Variants in CTSB observed in about 807,000 individuals in gnomAD.
CTSB encodes APP secretase.
CTSB carries 57 observed loss-of-function variants against 44.3 expected under a neutral mutation model. The observed-to-expected ratio is 1.29, with a 90% CI of 1.04 to 1.60. The LOEUF is 1.60. CTSB is among the 40% of genes most tolerant of loss of function. The pLI is 0.00. For missense variants in CTSB, 768 were observed against 443.0 expected (o/e 1.73, Z -6.59); for synonymous variants, 320 against 168.0 (o/e 1.91, Z -7.00).
At chr8:11,847,988 A>T (rs1350654232) in intron 6 of CTSB, 79 bp downstream of exon 6, 1 of 1,386,916 alleles carries the variant, frequency 7.2e-7, no homozygotes, top group African/African-American at 1.4e-5. Flanking sequence ...CCCCCAGTTT[A>T]TAAAGGCAAA....
At position 11,845,060 on chromosome 8, in the gene CTSB, A is replaced by T. The variant is rs1173283239; in HGVS notation, c.*65T>A. 3.7e-6 allele frequency: 4 copies of T among 1,094,458 alleles called. No individual in the cohort carries two copies. Among genetic ancestry groups the T allele is most frequent in the African/African-American group, 1.5e-5 (1 of 64,640 alleles). The allele number at this position is 1,094,458 out of a possible 1,614,324, so 67.8% of individuals were successfully genotyped here. On this transcript the variant is annotated 3_prime_UTR_variant, in exon 10 of 10. Coordinates refer to ENST00000353047, the MANE Select transcript of CTSB (RefSeq NM_001908.5). ...TGAAACTTGTATCTTACGTGAACTT[A>T]AAGAATAAAATGCATTTCTACCCCG...
chr8:11,852,234 G>A (rs374790561), intron 3 of CTSB, among the ~76,000 whole-genome samples: 118 of 152,190 alleles, frequency 7.8e-4, no homozygotes, highest in African/African-American at 2.6e-3. Context: ...AGCCGTGCAC[G>A]GTGGTGCAAG....
At chr8:11,852,562 C>G in intron 3 of CTSB, 48 bp downstream of exon 3, 2 of 1,522,382 alleles carry the variant, frequency 1.3e-6, no homozygotes, top group African/African-American at 1.4e-5. Flanking sequence ...TGCCCCAAAC[C>G]AACGCCTGCC....
rs183744673 is a variant in CTSB at position 11,863,477 on chromosome 8, C to A, written c.-26+4524G>T. On this transcript the variant is annotated intron_variant, in intron 1 of 9. Transcript: ENST00000353047. ...CGTTTCAAAAAAAAAACAAAAAAACCCAGCAAATATGCCATCACTGACCAA... is the reference window on the plus strand; with the variant it reads ...CGTTTCAAAAAAAAAACAAAAAAACACAGCAAATATGCCATCACTGACCAA... 7.9e-5 allele frequency among the ~76,000 whole-genome samples: 12 copies of A among 151,656 alleles called. No individual in the cohort carries two copies. In the East Asian group the frequency reaches 9.7e-4, roughly 12 times the overall value.
rs534022404 is a variant in CTSB, at chr8:11,868,067, G to T, written c.-92C>A. On this transcript the variant is annotated 5_prime_UTR_variant, in exon 1 of 10. Coordinates refer to ENST00000353047, the MANE Select transcript of CTSB (RefSeq NM_001908.5). The stretch of plus-strand genomic sequence containing the variant: ...GCGGAGCGGTTGGCGTTGCCGGAGC[G>T]GTTGCCGGAGCCCTGCAGCCGCCGT... 6.6e-6 allele frequency: 1 copy of T among 152,596 alleles called. No homozygotes were observed. The highest frequency in any genetic ancestry group is 2.4e-5 in the African/African-American group (1 of 41,414). The allele number at this position is 152,596 out of a possible 1,614,324, so 9.5% of individuals were successfully genotyped here. A position where few individuals can be genotyped will look rare whatever the true frequency, so the allele number is the denominator to read the frequency against.
intron 6 of CTSB, 92 bp from the exon 7 acceptor site, chr8:11,847,914 C>T: frequency 6.9e-7 from 1 of 1,456,484 alleles, no homozygotes; most frequent in East Asian, 2.3e-5. Flanking sequence ...GCATGGACGC[C>T]AGGCAGGTCC....
intron 1 of CTSB, among the ~76,000 whole-genome samples, chr8:11,865,934 G>A (rs915946218): frequency 6.7e-6 from 1 of 149,000 alleles, no homozygotes; most frequent in African/African-American, 2.5e-5. Flanking sequence ...CAGGAGAATT[G>A]CTTCAACATG....
chr8:11,856,161 A>G, intron 1 of CTSB, among the ~76,000 whole-genome samples: 1 of 152,258 alleles, frequency 6.6e-6, no homozygotes, highest in East Asian at 1.9e-4. Context: ...GAAGTGGGGA[A>G]ACGGAAGGCA....
At chr8:11,847,967 C>A in intron 6 of CTSB, 100 bp downstream of exon 6, 1 of 1,340,022 alleles carries the variant, frequency 7.5e-7, no homozygotes, top group East Asian at 2.3e-5. Context: ...TCAGCAGCCC[C>A]TCTGTCTCAA....
At chr8:11,859,261 C>G (rs530513599) in intron 1 of CTSB, among the ~76,000 whole-genome samples, 1 of 152,046 alleles carries the variant, frequency 6.6e-6, no homozygotes, top group Non-Finnish European at 1.5e-5. Flanking sequence ...TGCGGCCAGG[C>G]GACTCTATCA....
chr8:11,864,559 A>C (rs1816853690), intron 1 of CTSB: 1 of 152,210 alleles, frequency 6.6e-6, no homozygotes, highest in Admixed American at 6.6e-5. Context: ...GAGGGGCAGC[A>C]GACAGGGAAT....
At chr8:11,864,757 T>A (rs1313646910) in intron 1 of CTSB, among the ~76,000 whole-genome samples, 1 of 151,626 alleles carries the variant, frequency 6.6e-6, no homozygotes, top group African/African-American at 2.4e-5. Context: ...CTACTAAAAA[T>A]ACAAAAATTA....
chr8:11,850,986 T>A lies in CTSB; in HGVS notation c.213-6A>T. The stretch of plus-strand genomic sequence containing the variant: ...GGTCCTCGGTAAACATAACTCTGGA[T>A]AAAGGAAGGTCTTCATTACAAGCTC... On this transcript the variant is annotated splice_polypyrimidine_tract_variant and splice_region_variant and intron_variant, in intron 3 of 9. Coordinates refer to ENST00000353047, the MANE Select transcript of CTSB (RefSeq NM_001908.5). 6.2e-7 allele frequency: 1 copy of A among 1,604,586 alleles called. No individual in the cohort carries two copies. Among genetic ancestry groups the A allele is most frequent in the South Asian group, 1.1e-5 (1 of 90,358 alleles).
intron 1 of CTSB, among the ~76,000 whole-genome samples, chr8:11,855,957 G>A (rs1815433495): frequency 6.6e-6 from 1 of 152,156 alleles, no homozygotes; most frequent in Non-Finnish European, 1.5e-5. Flanking sequence ...GAACCCAGGA[G>A]GTGGAGATTG....
intron 5 of CTSB, 119 bp downstream of exon 5, chr8:11,848,927 C>T (rs1813981697): frequency 1.4e-6 from 1 of 702,500 alleles, no homozygotes; most frequent in African/African-American, 1.8e-5. Context: ...CTCGGAGTCT[C>T]CCCGAAACAC....
At position 11,842,711 on chromosome 8, in the gene CTSB, A is replaced by C. The variant is rs1254533975; in HGVS notation, c.*2414T>G. The C allele has an allele frequency of 6.6e-6, 1 of 151,518 alleles. No individual in the cohort carries two copies. The highest frequency in any genetic ancestry group is 1.5e-5 in the Non-Finnish European group (1 of 67,992). The allele number at this position is 151,518 out of a possible 1,614,324, so 9.4% of individuals were successfully genotyped here. On this transcript the variant is annotated 3_prime_UTR_variant, in exon 10 of 10. Transcript: ENST00000353047. ...GAGTGCAATGGCGTGATCTCGGCTCACTGCATCCTCTGCCTCCCAGGTTCA... is the reference window on the plus strand; with the variant it reads ...GAGTGCAATGGCGTGATCTCGGCTCCCTGCATCCTCTGCCTCCCAGGTTCA...
chr8:11,845,707 G>A lies in CTSB; in HGVS notation c.876C>T (p.Pro292=). 1.9e-6 allele frequency: 3 copies of A among 1,614,120 alleles called. No homozygotes were observed. The South Asian group carries it at 3.3e-5, about 18-fold the overall frequency. ...ILGWGVENGT[P]YWLVANSWNT... is the part of the protein sequence containing the mutation. ...TCCAGGAGTTGGCAACCAGCCAGTA[G>A]GGTGTGCCATTCTCCACTCCCCAGC... The change falls in exon 9 of 10, where the codon CCC becomes CCT. Residue 292 remains proline (P), a synonymous_variant. Transcript: ENST00000353047.
chr8:11,853,503 G>T, intron 1 of CTSB, 24 bp from the exon 2 acceptor site: 1 of 1,595,198 alleles, frequency 6.3e-7, no homozygotes, highest in South Asian at 1.1e-5. Context: ...AGGGCATCAG[G>T]ACACCTCTCT....
intron 5 of CTSB, 114 bp from the exon 6 acceptor site, chr8:11,848,266 A>C: frequency 1.1e-6 from 1 of 886,938 alleles, no homozygotes; most frequent in Non-Finnish European, 1.9e-6. Flanking sequence ...CAGCTGCAGC[A>C]AGTGGTGCGA....
Sources: gnomAD v4.1 joint callset for allele counts (sites outside exome capture counted in the v4.1 genomes callset) on GRCh38, gnomAD v4.1.1 for gene constraint, MANE v1.5 for transcripts, NCBI Gene and HGNC (gene_info 2026-07-23, HGNC 2026-07-21) for gene names.